COG1: variants seen among roughly 807,000 people sequenced by gnomAD.
COG1 encodes the protein conserved oligomeric Golgi complex subunit 1.
Under a neutral mutation model 102.2 loss-of-function variants are expected in COG1, and 61 were observed. That is an observed-to-expected ratio of 0.60 (90% confidence interval 0.49 to 0.74). The LOEUF (loss-of-function observed/expected upper bound fraction) is 0.74, where lower values mean the gene tolerates loss of function less well. Ranked by LOEUF, COG1 falls within the 30% of genes least tolerant of loss-of-function variation. The pLI is 0.00. For synonymous variants in COG1, 454 were observed against 493.6 expected (o/e 0.92, Z 1.06); for missense variants, 1,164 against 1,232.1 (o/e 0.94, Z 0.83).
At chr17:73,193,479 C>T in intron 1 of COG1, 95 bp downstream of exon 1, 14 of 1,263,598 alleles carry the variant, frequency 1.1e-5, no homozygotes, top group Non-Finnish European at 1.4e-5. Flanking sequence ...AGTCCCAGAC[C>T]CCGCGAGTCC....
chr17:73,196,995 A>G lies in COG1; in HGVS notation c.656A>G (p.Glu219Gly). ...AEALCSIMLL[E>G]ESSPRQALTD... Reference sequence around the variant, plus strand: ...GCCCTGTGCTCTATAATGCTCTTAGAAGAGAGTTCTCCTCGCCAAGCCCTC... The same window carrying G: ...GCCCTGTGCTCTATAATGCTCTTAGGAGAGAGTTCTCCTCGCCAAGCCCTC... Residue 219 changes from glutamate to glycine, a missense_variant, in exon 3 of 14, where the codon GAA (glutamate) becomes GGA (glycine). Glu to Gly is a moderately conservative substitution (Grantham distance 98). Coordinates refer to ENST00000299886, the MANE Select transcript of COG1 (RefSeq NM_018714.3). The G allele has an allele frequency of 6.2e-7, 1 of 1,614,192 alleles. No individual in the cohort carries two copies. Among genetic ancestry groups the G allele is most frequent in the Non-Finnish European group, 8.5e-7 (1 of 1,180,032 alleles).
In COG1 at chr17:73,193,087, C is replaced by T; in HGVS notation, c.18C>T (p.Thr6=). The change falls in exon 1 of 14, where the codon ACC becomes ACT. Residue 6 remains threonine, a synonymous_variant. Coordinates refer to ENST00000299886, the MANE Select transcript of COG1 (RefSeq NM_018714.3). The part of the protein sequence containing the change: MATAA[T]SPALKRLDLR... ...AGTGCACCATGGCCACCGCGGCAAC[C>T]TCACCCGCGCTGAAGCGGCTGGATC... 1 of 1,611,470 alleles carries T rather than the reference C, an allele frequency of 6.2e-7. No homozygotes were observed. Among genetic ancestry groups the T allele is most frequent in the Non-Finnish European group, 8.5e-7 (1 of 1,179,354 alleles).
intron 4 of COG1, 42 bp downstream of exon 4, chr17:73,197,438 C>T (rs755656978): frequency 1.2e-6 from 2 of 1,606,942 alleles, no homozygotes; most frequent in Non-Finnish European, 1.7e-6. Flanking sequence ...GTTCACTCAA[C>T]TGATAATTTG....
At chr17:73,197,822 TGA>T (rs2061331549) in intron 4 of COG1, among the ~76,000 whole-genome samples, 2 of 152,118 alleles carry the variant, frequency 1.3e-5, no homozygotes, top group African/African-American at 4.8e-5. Flanking sequence ...AGACAGCCAG[TGA>T]GGCATTGGGT....
chr17:73,199,370 T>C (rs1168577856), intron 4 of COG1, among the ~76,000 whole-genome samples: 1 of 152,168 alleles, frequency 6.6e-6, no homozygotes, highest in Non-Finnish European at 1.5e-5. Flanking sequence ...CTTTCTACTC[T>C]TTTGATCCCC....
In COG1 at chr17:73,201,889, G is replaced by A. The variant is rs2061348615; in HGVS notation, c.2062G>A (p.Ala688Thr). Residue 688 changes from alanine to threonine, a missense_variant, in exon 7 of 14, where the codon GCA (alanine) becomes ACA (threonine). Coordinates refer to ENST00000299886, the MANE Select transcript of COG1 (RefSeq NM_018714.3). The stretch of plus-strand genomic sequence containing the variant: ...GATGGGCTACCAGGTCTGGAGCAGT[G>A]CAGTTGTGAAAGTGAGTGATGTAAT... Reference protein sequence around the residue: ...SVMGYQVWSSAVVKVLIHGFT... With the variant: ...SVMGYQVWSSTVVKVLIHGFT... 1 of 1,614,010 alleles carries A rather than the reference G, an allele frequency of 6.2e-7. No homozygotes were observed. Among genetic ancestry groups the A allele is most frequent in the Non-Finnish European group, 8.5e-7 (1 of 1,180,016 alleles).
intron 1 of COG1, among the ~76,000 whole-genome samples, chr17:73,193,714 C>T (rs1310953409): frequency 6.6e-6 from 1 of 152,180 alleles, no homozygotes; most frequent in Non-Finnish European, 1.5e-5. Flanking sequence ...CTTGACAGTT[C>T]AACGCTCACC....
At chr17:73,193,637 C>T (rs1265099511) in intron 1 of COG1, among the ~76,000 whole-genome samples, 1 of 152,206 alleles carries the variant, frequency 6.6e-6, no homozygotes, top group East Asian at 1.9e-4. Flanking sequence ...CCCCGACTTC[C>T]GGGCCTTGAT....
intron 4 of COG1, among the ~76,000 whole-genome samples, chr17:73,198,682 C>G: frequency 6.6e-6 from 1 of 152,164 alleles, no homozygotes; most frequent in East Asian, 1.9e-4. Flanking sequence ...CAGAACAGAT[C>G]GCTGGGAGGT....
chr17:73,206,269 C>A lies in COG1; in HGVS notation c.2619+7C>A. The stretch of plus-strand genomic sequence containing the variant: ...CCTGGTGCAGCGAACTTCTGTGAGT[C>A]AAATCAAAAACATGCTTAGTGCGAA... On this transcript the variant is annotated splice_region_variant and intron_variant, in intron 11 of 13. Transcript: ENST00000299886. 6.2e-7 allele frequency: 1 copy of A among 1,610,536 alleles called. No individual in the cohort carries two copies. The highest frequency in any genetic ancestry group is 1.1e-5 in the South Asian group (1 of 90,972).
In COG1 at chr17:73,201,156, G is replaced by A; in HGVS notation, c.1329G>A (p.Glu443=). ...ACTCCATCTCCAGTAGCTCCAAGGA[G>A]CTCTTGGTTTCAGCTTTGCAGGAAC... is the stretch of plus-strand genomic sequence containing the variant. The part of the protein sequence containing the change: ...GFDSISSSSK[E]LLVSALQELE... The change falls in exon 7 of 14, where the codon GAG becomes GAA. Residue 443 remains glutamate, a synonymous_variant. Coordinates refer to ENST00000299886, the MANE Select transcript of COG1 (RefSeq NM_018714.3). 4 of 1,614,212 alleles carry A rather than the reference G, an allele frequency of 2.5e-6. No homozygotes were observed. Among genetic ancestry groups the A allele is most frequent in the Non-Finnish European group, 3.4e-6 (4 of 1,180,034 alleles).
At chr17:73,196,852 C>T (rs1292531159) in intron 2 of COG1, 48 bp from the exon 3 acceptor site, 10 of 1,613,520 alleles carry the variant, frequency 6.2e-6, no homozygotes, top group African/African-American at 1.3e-5. Context: ...AAGCTCTTTA[C>T]CCAAGATGTG....
intron 9 of COG1, 105 bp downstream of exon 9, chr17:73,203,898 G>A: frequency 7.7e-7 from 1 of 1,296,598 alleles, no homozygotes; most frequent in Non-Finnish European, 1.1e-6. Context: ...AAACTGTTAA[G>A]GATCACCCAG....
In COG1 at chr17:73,201,455, T is replaced by C. The variant is rs1184304574; in HGVS notation, c.1628T>C (p.Leu543Pro). 4 of 1,614,144 alleles carry C rather than the reference T, an allele frequency of 2.5e-6. No homozygotes were observed. Among genetic ancestry groups the C allele is most frequent in the Non-Finnish European group, 3.4e-6 (4 of 1,180,060 alleles). ...LAYLPSDDSS[L>P]PKDVSPTQAK... ...TACCTCCCCTCTGATGACTCATCAC[T>C]GCCCAAGGACGTTTCTCCCACACAG... The change falls in exon 7 of 14, where the codon CTG (leucine) becomes CCG (proline). Residue 543 changes from leucine (L) to proline (P), a missense_variant. Coordinates refer to ENST00000299886, the MANE Select transcript of COG1 (RefSeq NM_018714.3).
At chr17:73,204,929 A>G (rs1218020161) in intron 9 of COG1, among the ~76,000 whole-genome samples, 1 of 152,138 alleles carries the variant, frequency 6.6e-6, no homozygotes, top group East Asian at 1.9e-4. Flanking sequence ...TTGGGAGGCC[A>G]AGGCGGGTGG....
chr17:73,198,823 G>C (rs985756679), intron 4 of COG1, among the ~76,000 whole-genome samples: 10 of 152,230 alleles, frequency 6.6e-5, no homozygotes, highest in Non-Finnish European at 1.5e-4. Flanking sequence ...AGGTCAAATG[G>C]AGGTGTCAGC....
Position 73,207,423 on chromosome 17 carries a change from G to T in COG1, c.2805+167G>T. 3 of 756,704 alleles carry T rather than the reference G, an allele frequency of 4.0e-6. No individual in the cohort carries two copies. The Admixed American group carries it at 6.1e-5, about 15-fold the overall frequency. The allele number at this position is 756,704 out of a possible 1,614,324, so 46.9% of individuals were successfully genotyped here. On this transcript the variant is annotated intron_variant, in intron 13 of 13. Coordinates refer to ENST00000299886, the MANE Select transcript of COG1 (RefSeq NM_018714.3). ...GAGAAGTACAAGGTTTTACTAGCTT[G>T]AGCTACTAGAAGGTGTAAAAGATGC... is the stretch of plus-strand genomic sequence containing the variant.
Position 73,206,822 on chromosome 17 carries a change from A to T in COG1, c.2729+5A>T, listed in dbSNP as rs750537014. The T allele has an allele frequency of 3.7e-6, 6 of 1,608,826 alleles. No homozygotes were observed. The South Asian group carries it at 6.6e-5, about 18-fold the overall frequency. On this transcript the variant is annotated splice_donor_5th_base_variant and intron_variant, in intron 12 of 13. Coordinates refer to ENST00000299886, the MANE Select transcript of COG1 (RefSeq NM_018714.3). The stretch of plus-strand genomic sequence containing the variant: ...ACTGGCATCCAGTCAGATCAGGTAA[A>T]GGCTGCCAAGAGGCTTCTGCGGGGC...
Position 73,206,242 on chromosome 17 carries a change from C to A in COG1, c.2599C>A (p.Arg867Ser), listed in dbSNP as rs750297918. 6.2e-7 allele frequency: 1 copy of A among 1,613,898 alleles called. No homozygotes were observed. Among genetic ancestry groups the A allele is most frequent in the Non-Finnish European group, 8.5e-7 (1 of 1,179,898 alleles). Residue 867 changes from arginine to serine, a missense_variant, in exon 11 of 14, where the codon CGC becomes AGC. Transcript: ENST00000299886. Reference protein sequence around the residue: ...FTPHLNSNLHRLVQRTSVLFG... With the variant: ...FTPHLNSNLHSLVQRTSVLFG... ...GCCACACCTCAACAGCAACCTTCATCGCCTGGTGCAGCGAACTTCTGTGAG... is the reference window on the plus strand; with the variant it reads ...GCCACACCTCAACAGCAACCTTCATAGCCTGGTGCAGCGAACTTCTGTGAG...
Sources: gnomAD v4.1 joint callset for allele counts (sites outside exome capture counted in the v4.1 genomes callset) on GRCh38, gnomAD v4.1.1 for gene constraint, MANE v1.5 for transcripts, NCBI Gene and HGNC (gene_info 2026-07-23, HGNC 2026-07-21) for gene names.